KCNQ1OT1: variants seen among roughly 807,000 people sequenced by gnomAD.
The protein encoded by KCNQ1OT1 is KCNQ1 opposite strand/antisense transcript 1.
At chr11:2,641,628 C>G (rs1224163887) in exon 1 of KCNQ1OT1, 3 of 398,302 alleles carry the variant, frequency 7.5e-6, no homozygotes, top group African/African-American at 6.2e-5. Flanking sequence ...TGTGTACAAG[C>G]TTTATCATTT....
rs1850154613 is a variant in KCNQ1OT1, at chr11:2,670,170, G to C, written n.29825C>G. 5.0e-6 allele frequency: 2 copies of C among 398,544 alleles called. No homozygotes were observed. Among genetic ancestry groups the C allele is most frequent in the South Asian group, 2.5e-4 (2 of 7,858 alleles). The allele number at this position is 398,544 out of a possible 1,614,324, so 24.7% of individuals were successfully genotyped here. A position where few individuals can be genotyped will look rare whatever the true frequency, so the allele number is the denominator to read the frequency against. On this transcript the variant is annotated non_coding_transcript_exon_variant, in exon 1 of 1. Coordinates refer to ENST00000597346, the Ensembl canonical transcript of KCNQ1OT1. The surrounding 1 kb of genome is among the most constrained non-coding windows in gnomAD (Gnocchi z 4.9). Reference sequence around the variant, plus strand: ...ATCACTGTCGGGCCCATCTGCCAAGGCAAGCACCCACATTAAAGCAGAGTG... The same window carrying C: ...ATCACTGTCGGGCCCATCTGCCAAGCCAAGCACCCACATTAAAGCAGAGTG...
chr11:2,667,641 C>A (rs761500824), exon 1 of KCNQ1OT1: 1 of 398,594 alleles, frequency 2.5e-6, no homozygotes, highest in South Asian at 1.3e-4. Context: ...CTGCTGATAC[C>A]TGAAAGGGGA....
rs1420449856 is a variant in KCNQ1OT1, at chr11:2,647,694, AT to A, written n.52300del. On this transcript the variant is annotated non_coding_transcript_exon_variant, in exon 1 of 1. Coordinates refer to ENST00000597346, the Ensembl canonical transcript of KCNQ1OT1. This position sits in a 1 kb window ranked among gnomAD's most constrained non-coding sequence, Gnocchi z 4.0. ...CATTCCTTGTTATTGCTCTGTTCAGATTTTTTTTCTTCCTGGTTCAATCTTG... is the reference window on the plus strand; with the variant it reads ...CATTCCTTGTTATTGCTCTGTTCAGATTTTTTTCTTCCTGGTTCAATCTTG... 7.5e-6 allele frequency: 3 copies of A among 398,040 alleles called. No homozygotes were observed. Among genetic ancestry groups the A allele is most frequent in the African/African-American group, 6.2e-5 (3 of 48,476 alleles). 24.7% of individuals were successfully genotyped at this position (398,040 alleles called of 1,614,324 possible). A position where few individuals can be genotyped will look rare whatever the true frequency, so the allele number is the denominator to read the frequency against.
chr11:2,619,047 C>G, exon 1 of KCNQ1OT1: 1 of 398,392 alleles, frequency 2.5e-6, no homozygotes, highest in Non-Finnish European at 4.4e-6. Context: ...TTACTGAACT[C>G]ATTTATTAGT....
chr11:2,621,457 A>T lies in KCNQ1OT1; in HGVS notation n.78538T>A. ...ATTCTGGACATAGGACCTTTGCCAG[A>T]TGAATAGTTTGCAAATATTTTTTCT... On this transcript the variant is annotated non_coding_transcript_exon_variant, in exon 1 of 1. Coordinates refer to ENST00000597346, the Ensembl canonical transcript of KCNQ1OT1. The surrounding 1 kb of genome is among the most constrained non-coding windows in gnomAD (Gnocchi z 5.7). The T allele has an allele frequency of 5.0e-6, 2 of 398,600 alleles. No homozygotes were observed. The highest frequency in any genetic ancestry group is 8.8e-6 in the Non-Finnish European group (2 of 226,064). The allele number at this position is 398,600 out of a possible 1,614,324, so 24.7% of individuals were successfully genotyped here. A position where few individuals can be genotyped will look rare whatever the true frequency, so the allele number is the denominator to read the frequency against.
In KCNQ1OT1 at chr11:2,664,331, G is replaced by A. The variant is rs568196956; in HGVS notation, n.35664C>T. 18 of 398,878 alleles carry A rather than the reference G, an allele frequency of 4.5e-5. No individual in the cohort carries two copies. The highest frequency in any genetic ancestry group is 3.3e-4 in the African/African-American group (16 of 48,758). The allele number at this position is 398,878 out of a possible 1,614,324, so 24.7% of individuals were successfully genotyped here. A position where few individuals can be genotyped will look rare whatever the true frequency, so the allele number is the denominator to read the frequency against. On this transcript the variant is annotated non_coding_transcript_exon_variant, in exon 1 of 1. Coordinates refer to ENST00000597346, the Ensembl canonical transcript of KCNQ1OT1. The surrounding 1 kb of genome is among the most constrained non-coding windows in gnomAD (Gnocchi z 5.1). ...TGGTCAGGGAAGACTCAGGGCTGAG[G>A]CTTCAGGGGAGCTGGGTTCCTGCAT...
chr11:2,662,272 G>A (rs1849973687), exon 1 of KCNQ1OT1: 3 of 641,828 alleles, frequency 4.7e-6, no homozygotes, highest in Non-Finnish European at 8.1e-6. Context: ...ACTTCCCACT[G>A]AGCCTGGGAA....
chr11:2,664,380 C>G lies in KCNQ1OT1; in HGVS notation n.35615G>C. On this transcript the variant is annotated non_coding_transcript_exon_variant, in exon 1 of 1. Coordinates refer to ENST00000597346, the Ensembl canonical transcript of KCNQ1OT1. This position sits in a 1 kb window ranked among gnomAD's most constrained non-coding sequence, Gnocchi z 5.1. Reference sequence around the variant, plus strand: ...ATCCTCAGAAGTCAGGGTACGGTCCCTCCAGAGAGGCCTGAAGGGGAGAGT... The same window carrying G: ...ATCCTCAGAAGTCAGGGTACGGTCCGTCCAGAGAGGCCTGAAGGGGAGAGT... 1 of 398,834 alleles carries G rather than the reference C, an allele frequency of 2.5e-6. No individual in the cohort carries two copies. Among genetic ancestry groups the G allele is most frequent in the Non-Finnish European group, 4.4e-6 (1 of 226,218 alleles). The allele number at this position is 398,834 out of a possible 1,614,324, so 24.7% of individuals were successfully genotyped here. A position where few individuals can be genotyped will look rare whatever the true frequency, so the allele number is the denominator to read the frequency against.
Position 2,673,889 on chromosome 11 carries a change from G to T in KCNQ1OT1, n.26106C>A. 5.0e-6 allele frequency: 2 copies of T among 398,466 alleles called. No individual in the cohort carries two copies. Among genetic ancestry groups the T allele is most frequent in the Non-Finnish European group, 4.4e-6 (1 of 226,138 alleles). 24.7% of individuals were successfully genotyped at this position (398,466 alleles called of 1,614,324 possible). ...GACTTCCTGAAAGCAGGCACAGGAA[G>T]GGATGGGAGCTCAGCTCACCGGGTG... On this transcript the variant is annotated non_coding_transcript_exon_variant, in exon 1 of 1. Coordinates refer to ENST00000597346, the Ensembl canonical transcript of KCNQ1OT1. This position sits in a 1 kb window ranked among gnomAD's most constrained non-coding sequence, Gnocchi z 4.5.
In KCNQ1OT1 at chr11:2,658,279, C is replaced by T. The variant is rs1259469413; in HGVS notation, n.41716G>A. On this transcript the variant is annotated non_coding_transcript_exon_variant, in exon 1 of 1. Coordinates refer to ENST00000597346, the Ensembl canonical transcript of KCNQ1OT1. The surrounding 1 kb of genome is among the most constrained non-coding windows in gnomAD (Gnocchi z 4.9). ...ACTTCTATTTTCCTCATTCCTTCTA[C>T]ATTTTTTATTTGGAATTCCTTTATA... 5.0e-6 allele frequency: 2 copies of T among 398,570 alleles called. No homozygotes were observed. Among genetic ancestry groups the T allele is most frequent in the South Asian group, 1.3e-4 (1 of 7,858 alleles). The allele number at this position is 398,570 out of a possible 1,614,324, so 24.7% of individuals were successfully genotyped here. A position where few individuals can be genotyped will look rare whatever the true frequency, so the allele number is the denominator to read the frequency against.
In KCNQ1OT1 at chr11:2,676,503, A is replaced by C; in HGVS notation, n.23492T>G. Reference sequence around the variant, plus strand: ...TCTGGCATCAGTTCCATTTCTGGTGAACACTTGGACTTGGCAAAAGGCATA... The same window carrying C: ...TCTGGCATCAGTTCCATTTCTGGTGCACACTTGGACTTGGCAAAAGGCATA... On this transcript the variant is annotated non_coding_transcript_exon_variant, in exon 1 of 1. Coordinates refer to ENST00000597346, the Ensembl canonical transcript of KCNQ1OT1. This position sits in a 1 kb window ranked among gnomAD's most constrained non-coding sequence, Gnocchi z 4.2. 2.5e-6 allele frequency: 1 copy of C among 398,670 alleles called. No individual in the cohort carries two copies. The highest frequency in any genetic ancestry group is 4.4e-6 in the Non-Finnish European group (1 of 226,096). The allele number at this position is 398,670 out of a possible 1,614,324, so 24.7% of individuals were successfully genotyped here. A position where few individuals can be genotyped will look rare whatever the true frequency, so the allele number is the denominator to read the frequency against.
chr11:2,666,085 C>T (rs1455565518), exon 1 of KCNQ1OT1: 1 of 398,576 alleles, frequency 2.5e-6, no homozygotes, highest in African/African-American at 2.1e-5. Context: ...CAGCCTATGG[C>T]TCTGCCCAGC....
exon 1 of KCNQ1OT1, chr11:2,648,262 C>T (rs926979539): frequency 2.5e-6 from 1 of 398,442 alleles, no homozygotes; most frequent in African/African-American, 2.1e-5. Context: ...CCTTTTATCT[C>T]TATTTCATTT....
exon 1 of KCNQ1OT1, chr11:2,665,654 T>C (rs1850054198): frequency 5.0e-6 from 2 of 397,842 alleles, no homozygotes; most frequent in Non-Finnish European, 8.8e-6. Context: ...AAGCCCTCAG[T>C]ACCAGTTCCC....
In KCNQ1OT1 at chr11:2,620,197, A is replaced by G. The variant is rs1429151815; in HGVS notation, n.79798T>C. 1 of 331,378 alleles carries G rather than the reference A, an allele frequency of 3.0e-6. No individual in the cohort carries two copies. The highest frequency in any genetic ancestry group is 5.1e-6 in the Non-Finnish European group (1 of 196,848). The allele number at this position is 331,378 out of a possible 1,614,324, so 20.5% of individuals were successfully genotyped here. A position where few individuals can be genotyped will look rare whatever the true frequency, so the allele number is the denominator to read the frequency against. Reference sequence around the variant, plus strand: ...TGCTGCAAAGGACGTAAGTTCATTCATGTATATATATATATTTTTTTTTTT... The same window carrying G: ...TGCTGCAAAGGACGTAAGTTCATTCGTGTATATATATATATTTTTTTTTTT... On this transcript the variant is annotated non_coding_transcript_exon_variant, in exon 1 of 1. Coordinates refer to ENST00000597346, the Ensembl canonical transcript of KCNQ1OT1. This position sits in a 1 kb window ranked among gnomAD's most constrained non-coding sequence, Gnocchi z 4.5.
At chr11:2,697,078 G>A (rs1438733207) in exon 1 of KCNQ1OT1, 6 of 398,332 alleles carry the variant, frequency 1.5e-5, no homozygotes, top group African/African-American at 4.1e-5. Context: ...AATAATACTC[G>A]ACATTATTTG....
At position 2,659,448 on chromosome 11, in the gene KCNQ1OT1, T is replaced by G. The variant is rs1170443917; in HGVS notation, n.40547A>C. On this transcript the variant is annotated non_coding_transcript_exon_variant, in exon 1 of 1. Coordinates refer to ENST00000597346, the Ensembl canonical transcript of KCNQ1OT1. This position sits in a 1 kb window ranked among gnomAD's most constrained non-coding sequence, Gnocchi z 4.3. ...GCATAAATCATTAGTTAATTTCTTT[T>G]TATTGCTGGGTGGTATTCCATTGCA... The G allele has an allele frequency of 2.5e-6, 1 of 398,500 alleles. No individual in the cohort carries two copies. Among genetic ancestry groups the G allele is most frequent in the Non-Finnish European group, 4.4e-6 (1 of 226,052 alleles). 24.7% of individuals were successfully genotyped at this position (398,500 alleles called of 1,614,324 possible).
At chr11:2,666,627 C>T (rs1850073737) in exon 1 of KCNQ1OT1, 3 of 398,514 alleles carry the variant, frequency 7.5e-6, no homozygotes, top group African/African-American at 2.1e-5. Context: ...AAGGGTGGCC[C>T]CAAATTTGGC....
At chr11:2,622,536 A>G (rs764180499) in exon 1 of KCNQ1OT1, 17 of 398,368 alleles carry the variant, frequency 4.3e-5, no homozygotes, top group Admixed American at 8.8e-5. Flanking sequence ...TAATCGACTT[A>G]CATTTAAAGT....
Sources: allele counts gnomAD v4.1 joint callset, GRCh38; gene constraint gnomAD v4.1.1; non-coding constraint Gnocchi (gnomAD v3.1); transcripts MANE v1.5; gene names NCBI Gene and HGNC (gene_info 2026-07-23, HGNC 2026-07-21).